EEFSEC: variants seen among roughly 807,000 people sequenced by gnomAD.
The protein encoded by EEFSEC is selenocysteine-specific elongation factor.
In EEFSEC, 43 loss-of-function variants were observed where a neutral mutation model predicts 42.1. The ratio of observed to expected loss-of-function variants is 1.02; its 90% CI spans 0.80 to 1.32. EEFSEC has a LOEUF of 1.32. Among genes scored for constraint, EEFSEC ranks in the 40% most tolerant of loss-of-function variants. The pLI is 0.00. For missense variants in EEFSEC, 745 were observed against 803.6 expected (o/e 0.93, Z 0.88); for synonymous variants, 354 against 339.1 (o/e 1.04, Z -0.48).
chr3:128,165,763 G>T (rs2065237422), intron 1 of EEFSEC, among the ~76,000 whole-genome samples: 1 of 152,226 alleles, frequency 6.6e-6, no homozygotes, highest in African/African-American at 2.4e-5. Context: ...AAATTTGCTA[G>T]CATTGCCCTG....
At chr3:128,335,624 T>C (rs2067181793) in intron 4 of EEFSEC, among the ~76,000 whole-genome samples, 1 of 152,210 alleles carries the variant, frequency 6.6e-6, no homozygotes, top group South Asian at 2.1e-4. Context: ...CAGAGTGAGA[T>C]GGGAGGCCAG....
At chr3:128,310,003 C>G (rs1196866686) in intron 4 of EEFSEC, among the ~76,000 whole-genome samples, 1 of 152,222 alleles carries the variant, frequency 6.6e-6, no homozygotes, top group African/African-American at 2.4e-5. Context: ...AAAAGCAAAA[C>G]AAAGGAGCAG....
rs112256543 is a variant in EEFSEC, at chr3:128,380,119, G to A, written c.1600+21746G>A. On this transcript the variant is annotated intron_variant, in intron 6 of 6. Coordinates refer to ENST00000254730, the MANE Select transcript of EEFSEC (RefSeq NM_021937.5). Reference sequence around the variant, plus strand: ...GCTCTGGCTGGACTCTAGGTGCTTTGGGTGCAAGGTGCTTGGTGCCATTTC... The same window carrying A: ...GCTCTGGCTGGACTCTAGGTGCTTTAGGTGCAAGGTGCTTGGTGCCATTTC... 2.3e-3 allele frequency among the ~76,000 whole-genome samples: 354 copies of A among 152,284 alleles called. 1 individual carries two copies. The highest frequency in any genetic ancestry group is 8.0e-3 in the African/African-American group (331 of 41,564).
intron 5 of EEFSEC, among the ~76,000 whole-genome samples, chr3:128,344,901 G>T (rs1041032564): frequency 2.6e-5 from 4 of 152,232 alleles, no homozygotes; most frequent in African/African-American, 9.7e-5. Flanking sequence ...AAGCAAGAAG[G>T]TAGTGTTCCT....
Position 128,387,320 on chromosome 3 carries a change from A to G in EEFSEC, c.1601-20749A>G, listed in dbSNP as rs1051359754. 2.6e-5 allele frequency among the ~76,000 whole-genome samples: 4 copies of G among 152,234 alleles called. No individual in the cohort carries two copies. The East Asian group carries it at 7.7e-4, about 29-fold the overall frequency. Reference sequence around the variant, plus strand: ...GTTTTGCTTTCATAAAAATATCCACATGTCCTGGCAGTTCTCAATAGTTCT... The same window carrying G: ...GTTTTGCTTTCATAAAAATATCCACGTGTCCTGGCAGTTCTCAATAGTTCT... On this transcript the variant is annotated intron_variant, in intron 6 of 6. Transcript: ENST00000254730.
chr3:128,348,259 T>TGTGTGTGTGC (rs1559933193), intron 5 of EEFSEC, among the ~76,000 whole-genome samples: 12 of 133,716 alleles, frequency 9.0e-5, no homozygotes, highest in South Asian at 2.4e-4. Context: ...CATGCGTGTG[T>TGTGTGTGTGC]GTGTGTGTGT....
chr3:128,401,363 T>G (rs2068046191), intron 6 of EEFSEC, among the ~76,000 whole-genome samples: 1 of 152,226 alleles, frequency 6.6e-6, no homozygotes, highest in Admixed American at 6.5e-5. Context: ...CAAACCTCCC[T>G]GAGCCCGTGT....
At chr3:128,338,880 C>T (rs1302994384) in intron 4 of EEFSEC, among the ~76,000 whole-genome samples, 5 of 152,128 alleles carry the variant, frequency 3.3e-5, no homozygotes, top group African/African-American at 9.7e-5. Flanking sequence ...TCTTCCTGCT[C>T]GTGGCAGGAC....
At chr3:128,179,189 A>G (rs2065380238) in intron 1 of EEFSEC, among the ~76,000 whole-genome samples, 1 of 152,188 alleles carries the variant, frequency 6.6e-6, no homozygotes, top group Non-Finnish European at 1.5e-5. Flanking sequence ...AGCAGTCTCT[A>G]CATTTCCCAA....
At chr3:128,338,087 G>C (rs2067209985) in intron 4 of EEFSEC, among the ~76,000 whole-genome samples, 1 of 152,244 alleles carries the variant, frequency 6.6e-6, no homozygotes, top group Non-Finnish European at 1.5e-5. Context: ...CAAATGAGCT[G>C]CAGGTGCATG....
At chr3:128,337,601 C>G (rs1296877384) in intron 4 of EEFSEC, among the ~76,000 whole-genome samples, 1 of 152,214 alleles carries the variant, frequency 6.6e-6, no homozygotes, top group Non-Finnish European at 1.5e-5. Context: ...CATTTCTTTT[C>G]CAGAATCTGA....
chr3:128,245,112 T>C (rs1334349902), intron 1 of EEFSEC, among the ~76,000 whole-genome samples: 1 of 152,080 alleles, frequency 6.6e-6, no homozygotes, highest in Non-Finnish European at 1.5e-5. Flanking sequence ...AGTATATGAA[T>C]CAGTGATATA....
intron 4 of EEFSEC, among the ~76,000 whole-genome samples, chr3:128,329,685 G>A (rs2067105210): frequency 6.6e-6 from 1 of 152,224 alleles, no homozygotes; most frequent in Non-Finnish European, 1.5e-5. Flanking sequence ...AGCTTAGGGT[G>A]CTGAGGGCAG....
chr3:128,198,464 CACA>C (rs763515885), intron 1 of EEFSEC, among the ~76,000 whole-genome samples: 43 of 152,308 alleles, frequency 2.8e-4, no homozygotes, highest in African/African-American at 9.4e-4. Flanking sequence ...AAGCTCAGAA[CACA>C]ACAACATCTT....
At position 128,314,519 on chromosome 3, in the gene EEFSEC, G is replaced by A. The variant is rs150009814; in HGVS notation, c.787-26714G>A. On this transcript the variant is annotated intron_variant, in intron 4 of 6. Coordinates refer to ENST00000254730, the MANE Select transcript of EEFSEC (RefSeq NM_021937.5). The stretch of plus-strand genomic sequence containing the variant: ...CCACCACACCTGGCTCATTTTTGTC[G>A]TTTTTGTAGAGATAGGGTTTTGCCA... Among the ~76,000 whole-genome samples the A allele has an allele frequency of 1.7e-4, 26 of 152,016 alleles. 1 individual carries two copies. The East Asian group carries it at 4.1e-3, about 24-fold the overall frequency.
chr3:128,358,295 G>C lies in EEFSEC; in HGVS notation c.1522G>C (p.Val508Leu). 6.2e-7 allele frequency: 1 copy of C among 1,614,258 alleles called. No homozygotes were observed. Among genetic ancestry groups the C allele is most frequent in the Non-Finnish European group, 8.5e-7 (1 of 1,180,046 alleles). The change falls in exon 6 of 7, where the codon GTG becomes CTG. Residue 508 changes from valine (V) to leucine (L), a missense_variant. Val to Leu is a conservative substitution (Grantham distance 32, BLOSUM62 1). Transcript: ENST00000254730. ...CATCCAGCTCTTCGTGGGGCTCAAG[G>C]TGCACTTGTCCACTGGGGAACTGGG... ...TNIQLFVGLK[V>L]HLSTGELGII...
At chr3:128,358,873 G>A (rs1436010958) in intron 6 of EEFSEC, among the ~76,000 whole-genome samples, 1 of 152,176 alleles carries the variant, frequency 6.6e-6, no homozygotes, top group Non-Finnish European at 1.5e-5. Flanking sequence ...CTGGGTCAGA[G>A]GGTGTGTGTT....
At position 128,408,126 on chromosome 3, in the gene EEFSEC, G is replaced by T. The variant is rs376674260; in HGVS notation, c.1658G>T (p.Arg553Leu). ...ACACCCGCCCTCAAGAAGCGGGCCC[G>T]GGCTGGCCGTGGGGAGGCCACCAGG... ...ILTPALKKRA[R>L]AGRGEATRQE... Residue 553 changes from arginine (R) to leucine (L), a missense_variant, in exon 7 of 7, where the codon CGG becomes CTG. Coordinates refer to ENST00000254730, the MANE Select transcript of EEFSEC (RefSeq NM_021937.5). 3.7e-6 allele frequency: 6 copies of T among 1,610,248 alleles called. No individual in the cohort carries two copies. The South Asian group carries it at 5.5e-5, about 15-fold the overall frequency.
the EEFSEC span, among the ~76,000 whole-genome samples, chr3:128,415,552 C>T: frequency 6.6e-6 from 1 of 152,224 alleles, no homozygotes; most frequent in African/African-American, 2.4e-5. Context: ...GGGGGATCCA[C>T]TCCCGCACTG....
Sources: gnomAD v4.1 joint callset for allele counts (sites outside exome capture counted in the v4.1 genomes callset) on GRCh38, gnomAD v4.1.1 for gene constraint, MANE v1.5 for transcripts, NCBI Gene and HGNC (gene_info 2026-07-23, HGNC 2026-07-21) for gene names.